PPP1R13B: variants seen among roughly 807,000 people sequenced by gnomAD.
The protein encoded by PPP1R13B is apoptosis-stimulating of p53 protein 1.
Under a neutral mutation model 119.8 loss-of-function variants are expected in PPP1R13B, and 44 were observed. That is an observed-to-expected ratio of 0.37 (90% CI 0.29 to 0.47). PPP1R13B has a LOEUF of 0.47. Ranked by LOEUF, PPP1R13B falls within the 20% of genes least tolerant of loss-of-function variation. The pLI is 0.99. For synonymous variants in PPP1R13B, 542 were observed against 561.5 expected, an observed-to-expected ratio of 0.97 and a Z score of 0.49; for missense variants, 1,227 against 1,413.5, an observed-to-expected ratio of 0.87 and a Z score of 2.12.
chr14:103,808,434 T>C (rs1294042185), intron 1 of PPP1R13B, among the ~76,000 whole-genome samples: 1 of 152,118 alleles, frequency 6.6e-6, no homozygotes, highest in Admixed American at 6.6e-5. Flanking sequence ...ACACTAATGA[T>C]AGCCAATGAG....
At chr14:103,804,640 T>G (rs1405332774) in intron 1 of PPP1R13B, among the ~76,000 whole-genome samples, 1 of 151,866 alleles carries the variant, frequency 6.6e-6, no homozygotes, top group Non-Finnish European at 1.5e-5. Flanking sequence ...GACACTGAGG[T>G]AGAGGATCAC....
intron 5 of PPP1R13B, among the ~76,000 whole-genome samples, chr14:103,755,480 AC>A: frequency 6.6e-6 from 1 of 152,334 alleles, no homozygotes; most frequent in African/African-American, 2.4e-5. Context: ...AATATATGCA[AC>A]ATTCTTCAAT....
chr14:103,761,644 T>A (rs2084808095), intron 4 of PPP1R13B, among the ~76,000 whole-genome samples: 1 of 151,472 alleles, frequency 6.6e-6, no homozygotes, highest in Non-Finnish European at 1.5e-5. Context: ...GTGCCTGTAA[T>A]CCCAGCTACT....
intron 1 of PPP1R13B, among the ~76,000 whole-genome samples, chr14:103,817,877 T>C (rs1288697839): frequency 6.6e-6 from 1 of 151,840 alleles, no homozygotes; most frequent in Admixed American, 6.6e-5. Flanking sequence ...TCTACTCAGA[T>C]AGTTCAGGAA....
chr14:103,793,274 T>C (rs2085673457), intron 2 of PPP1R13B, among the ~76,000 whole-genome samples: 1 of 152,086 alleles, frequency 6.6e-6, no homozygotes, highest in South Asian at 2.1e-4. Context: ...CACCCAAATC[T>C]CATCTTGAAT....
Position 103,733,961 on chromosome 14 carries a change from A to G in PPP1R13B, c.*1193T>C, listed in dbSNP as rs1024039545. 2.8e-4 allele frequency: 44 copies of G among 158,342 alleles called. No homozygotes were observed. Among genetic ancestry groups the G allele is most frequent in the African/African-American group, 1.0e-3 (42 of 41,524 alleles). The allele number at this position is 158,342 out of a possible 1,614,324, so 9.8% of individuals were successfully genotyped here. The stretch of plus-strand genomic sequence containing the variant: ...TTTACATAAATTACACACGACTCAT[A>G]CATGAAAAATAGAGCCTAAGGGCCT... On this transcript the variant is annotated 3_prime_UTR_variant, in exon 17 of 17. Coordinates refer to ENST00000202556, the MANE Select transcript of PPP1R13B (RefSeq NM_015316.3).
rs201591685 is a variant in PPP1R13B at position 103,736,035 on chromosome 14, G to A, written c.3199C>T (p.Arg1067Trp). Residue 1067 changes from arginine (R) to tryptophan (W), a missense_variant, in exon 16 of 17, where the codon CGG becomes TGG. Coordinates refer to ENST00000202556, the MANE Select transcript of PPP1R13B (RefSeq NM_015316.3). ...AGGTTTTTGGGCACATAGCCCTCCCGGTCTCCAAGGCGAGCCCACCACCAC... is the reference window on the plus strand; with the variant it reads ...AGGTTTTTGGGCACATAGCCCTCCCAGTCTCCAAGGCGAGCCCACCACCAC... ...TEWWWARLGD[R>W]EGYVPKNLLG... The A allele has an allele frequency of 4.6e-4, 739 of 1,614,150 alleles. 1 individual carries two copies. The highest frequency in any genetic ancestry group is 5.6e-4 in the Non-Finnish European group (661 of 1,180,012).
chr14:103,840,772 CAG>C (rs2086888154), intron 1 of PPP1R13B, among the ~76,000 whole-genome samples: 1 of 148,934 alleles, frequency 6.7e-6, no homozygotes, highest in African/African-American at 2.5e-5. Context: ...GCCTGGGCAA[CAG>C]AAGGAGACTT....
intron 1 of PPP1R13B, among the ~76,000 whole-genome samples, chr14:103,838,208 T>C (rs2086821512): frequency 8.6e-6 from 1 of 116,738 alleles, no homozygotes; most frequent in African/African-American, 4.0e-5. Context: ...AACTCTGTTA[T>C]GGCACACACA....
At chr14:103,760,918 G>A (rs1486587812) in intron 4 of PPP1R13B, among the ~76,000 whole-genome samples, 1 of 152,120 alleles carries the variant, frequency 6.6e-6, no homozygotes, top group Admixed American at 6.5e-5. Flanking sequence ...GACTTCATTA[G>A]CTGGCTTACA....
chr14:103,733,300 A>G lies in PPP1R13B; in HGVS notation c.*1854T>C. The G allele has an allele frequency of 2.4e-6, 1 of 414,806 alleles. No individual in the cohort carries two copies. Among genetic ancestry groups the G allele is most frequent in the Non-Finnish European group, 4.4e-6 (1 of 228,638 alleles). 25.7% of individuals were successfully genotyped at this position (414,806 alleles called of 1,614,324 possible). On this transcript the variant is annotated 3_prime_UTR_variant, in exon 17 of 17. Coordinates refer to ENST00000202556, the MANE Select transcript of PPP1R13B (RefSeq NM_015316.3). ...ACACTACTGCTAAACTATTTTTAGCATAATATATACCATTTTTATGAGTTC... is the reference window on the plus strand; with the variant it reads ...ACACTACTGCTAAACTATTTTTAGCGTAATATATACCATTTTTATGAGTTC...
upstream of PPP1R13B, among the ~76,000 whole-genome samples, chr14:103,848,803 G>GTT (rs1567171068): frequency 7.1e-6 from 1 of 141,588 alleles, no homozygotes; most frequent in Non-Finnish European, 1.5e-5. Context: ...GGGGGCTCGT[G>GTT]TTTGCGAGTG....
At chr14:103,771,851 A>G (rs2085077588) in intron 4 of PPP1R13B, among the ~76,000 whole-genome samples, 1 of 152,220 alleles carries the variant, frequency 6.6e-6, no homozygotes, top group South Asian at 2.1e-4. Flanking sequence ...CACATATAAT[A>G]AACTGCATAT....
chr14:103,841,487 C>T (rs1447259780), intron 1 of PPP1R13B, among the ~76,000 whole-genome samples: 2 of 151,488 alleles, frequency 1.3e-5, no homozygotes, highest in Non-Finnish European at 2.9e-5. Flanking sequence ...CTACTCAGGA[C>T]GCTGAGGTGG....
chr14:103,815,061 A>C (rs1161959202), intron 1 of PPP1R13B, among the ~76,000 whole-genome samples: 1 of 152,242 alleles, frequency 6.6e-6, no homozygotes, highest in African/African-American at 2.4e-5. Context: ...ATGAATGCCT[A>C]AACAAAATGT....
intron 3 of PPP1R13B, among the ~76,000 whole-genome samples, chr14:103,784,583 C>CAAA (rs546875688): frequency 0.017 from 1,006 of 60,542 alleles, 26 homozygotes; most frequent in Non-Finnish European, 0.021. Flanking sequence ...ACTCTGTCTC[C>CAAA]AAAAAAAAAA....
chr14:103,753,136 G>C lies in PPP1R13B; in HGVS notation c.692C>G (p.Ala231Gly). 6.2e-7 allele frequency: 1 copy of C among 1,613,518 alleles called. No individual in the cohort carries two copies. The highest frequency in any genetic ancestry group is 1.8e-4 in the Middle Eastern group (1 of 5,608). The change falls in exon 7 of 17, where the codon GCA (alanine) becomes GGA (glycine). Residue 231 changes from alanine to glycine, a missense_variant. Coordinates refer to ENST00000202556, the MANE Select transcript of PPP1R13B (RefSeq NM_015316.3). The part of the protein sequence containing the change: ...FQEKKQEVQT[A>G]ILRVDQLSQQ... ...ACTAAGCTGATCAACCCTTAAAATT[G>C]CAGTCTGTACTTCCTGCTTCTTTTC...
At chr14:103,818,741 A>G (rs1328059459) in intron 1 of PPP1R13B, among the ~76,000 whole-genome samples, 1 of 152,240 alleles carries the variant, frequency 6.6e-6, no homozygotes, top group Admixed American at 6.5e-5. Flanking sequence ...TTATACAAAT[A>G]TTTATTGAGC....
At chr14:103,848,007 C>A (rs1034888034), upstream of PPP1R13B, among the ~76,000 whole-genome samples, 42 of 151,760 alleles carry the variant, frequency 2.8e-4, no homozygotes, top group African/African-American at 9.6e-4. Flanking sequence ...CGCGGCCTGA[C>A]CCCCGGCTGC....
Sources: allele counts gnomAD v4.1 joint callset (sites outside exome capture counted in the v4.1 genomes callset), GRCh38; gene constraint gnomAD v4.1.1; transcripts MANE v1.5; gene names NCBI Gene and HGNC (gene_info 2026-07-23, HGNC 2026-07-21).